The following RHBDD3 variants were observed in gnomAD, a reference collection of about 807,000 sequenced individuals.
The protein encoded by RHBDD3 is rhomboid domain containing 3.
A neutral mutation model predicts 32.3 loss-of-function variants in RHBDD3; 34 were observed. The observed-to-expected ratio is 1.05, with a 90% CI of 0.80 to 1.40. The LOEUF (loss-of-function observed/expected upper bound fraction) is 1.40, where lower values mean the gene tolerates loss of function less well. Among genes scored for constraint, RHBDD3 ranks in the 40% most tolerant of loss-of-function variants. RHBDD3 has a pLI of 0.00. For missense variants in RHBDD3, 482 were observed against 492.6 expected, an observed-to-expected ratio of 0.98 and a Z score of 0.20; for synonymous variants, 249 against 239.1, an observed-to-expected ratio of 1.04 and a Z score of -0.38.
chr22:29,260,945 T>A, intron 4 of RHBDD3, 81 bp from the exon 5 acceptor site: 10 of 1,352,166 alleles, frequency 7.4e-6, no homozygotes, highest in Non-Finnish European at 8.8e-6. Context: ...CCAGGCCCCA[T>A]GCCAAGTGTG....
At chr22:29,261,436 T>C (rs767552353) in intron 4 of RHBDD3, 1 of 432,838 alleles carries the variant, frequency 2.3e-6, no homozygotes, top group Admixed American at 2.5e-5. Flanking sequence ...CTACAAAAAA[T>C]TTTTAAAATT....
chr22:29,261,912 C>CA (rs2058124671), intron 4 of RHBDD3: 1 of 152,748 alleles, frequency 6.5e-6, no homozygotes, highest in South Asian at 2.1e-4. Context: ...CTCAGCCTCC[C>CA]AAAGTGCTAG....
intron 4 of RHBDD3, 26 bp downstream of exon 4, chr22:29,263,809 G>A (rs972610734): frequency 3.1e-5 from 46 of 1,489,054 alleles, no homozygotes; most frequent in African/African-American, 7.0e-5. Context: ...ACATCCCCAC[G>A]GGCCCTGGGC....
rs2058147293 is a variant in RHBDD3 at position 29,263,895 on chromosome 22, G to A, written c.472C>T (p.Leu158=). ...SPWLLLALTP[L]LSSEPPFLQL... The stretch of plus-strand genomic sequence containing the variant: ...AGGAAGGGTGGCTCAGAGCTGAGCA[G>A]TGGGGTCAGGGCAAGCAGCAGCCAC... The change falls in exon 4 of 7, where the codon CTG becomes TTG. Residue 158 remains leucine, a synonymous_variant. Coordinates refer to ENST00000216085, the MANE Select transcript of RHBDD3 (RefSeq NM_012265.3). 1.3e-6 allele frequency: 2 copies of A among 1,548,994 alleles called. No individual in the cohort carries two copies. Among genetic ancestry groups the A allele is most frequent in the African/African-American group, 1.4e-5 (1 of 73,118 alleles).
At chr22:29,261,209 C>A in intron 4 of RHBDD3, 1 of 534,810 alleles carries the variant, frequency 1.9e-6, no homozygotes. Context: ...CCTGCTATTG[C>A]CTTCAGACAG....
In RHBDD3 at chr22:29,264,028, G is replaced by A. The variant is rs2058149569; in HGVS notation, c.339C>T (p.Ser113=). 3 of 1,559,984 alleles carry A rather than the reference G, an allele frequency of 1.9e-6. No homozygotes were observed. Among genetic ancestry groups the A allele is most frequent in the Non-Finnish European group, 2.6e-6 (3 of 1,152,488 alleles). The change falls in exon 4 of 7, where the codon TCC becomes TCT. Residue 113 remains serine (S), a synonymous_variant. Coordinates refer to ENST00000216085, the MANE Select transcript of RHBDD3 (RefSeq NM_012265.3). ...TGTATCCACAGCTGCCGGCTGCACT[G>A]GACAGCCCAAGGCCTGCCAGCAGCA... ...LAVLLAGLGL[S]SAAGSCGYMP...
chr22:29,264,224 A>G lies in RHBDD3; in HGVS notation c.149-6T>C. 1 of 1,523,388 alleles carries G rather than the reference A, an allele frequency of 6.6e-7. No individual in the cohort carries two copies. The highest frequency in any genetic ancestry group is 1.4e-5 in the African/African-American group (1 of 72,578). The allele number at this position is 1,523,388 out of a possible 1,614,324, so 94.4% of individuals were successfully genotyped here. A position where few individuals can be genotyped will look rare whatever the true frequency, so the allele number is the denominator to read the frequency against. Reference sequence around the variant, plus strand: ...ATGGGTCAGCAGCCGGTGCACTGGGAGAGAGAAGGGGCTTATGTGCCAGGT... The same window carrying G: ...ATGGGTCAGCAGCCGGTGCACTGGGGGAGAGAAGGGGCTTATGTGCCAGGT... On this transcript the variant is annotated splice_region_variant and splice_polypyrimidine_tract_variant and intron_variant, in intron 3 of 6. Transcript: ENST00000216085.
At chr22:29,265,392 G>A (rs892000888) in intron 3 of RHBDD3, 87 bp downstream of exon 3, 3 of 1,137,842 alleles carry the variant, frequency 2.6e-6, no homozygotes, top group Non-Finnish European at 3.6e-6. Flanking sequence ...TTTGACCCCT[G>A]GAGGCCTTGT....
In RHBDD3 at chr22:29,265,587, G is replaced by A. The variant is rs780256884; in HGVS notation, c.40C>T (p.Leu14=). 3 of 1,593,748 alleles carry A rather than the reference G, an allele frequency of 1.9e-6. No homozygotes were observed. Among genetic ancestry groups the A allele is most frequent in the Admixed American group, 1.8e-5 (1 of 56,410 alleles). Residue 14 remains leucine (L), a synonymous_variant, in exon 3 of 7, where the codon CTG becomes TTG. Coordinates refer to ENST00000216085, the MANE Select transcript of RHBDD3 (RefSeq NM_012265.3). ...ATCAGGACTGAGGAGGCCAGAGGCA[G>A]TGCTGGGGACAGTTGGCCATGGGGG... ...RGPHGQLSPA[L]PLASSVLMLL...
At chr22:29,261,494 T>C (rs1018998018) in intron 4 of RHBDD3, 3 of 374,782 alleles carry the variant, frequency 8.0e-6, no homozygotes, top group Non-Finnish European at 1.6e-5. Flanking sequence ...CTCAAGTGGC[T>C]GAGGCAAGAG....
At position 29,260,546 on chromosome 22, in the gene RHBDD3, G is replaced by C. The variant is rs563831682; in HGVS notation, c.763C>G (p.Leu255Val). The C allele has an allele frequency of 1.3e-6, 2 of 1,598,676 alleles. No individual in the cohort carries two copies. Among genetic ancestry groups the C allele is most frequent in the African/African-American group, 2.7e-5 (2 of 75,008 alleles). ...DLWSHWEDSALPPPSLRPVQP... is the reference protein window; with the variant it reads ...DLWSHWEDSAVPPPSLRPVQP... The stretch of plus-strand genomic sequence containing the variant: ...ACAGGCCTCAGGCTTGGTGGGGGCA[G>C]GGCTGAGTCTTCCCAGTGGGACCAG... Residue 255 changes from leucine (L) to valine (V), a missense_variant, in exon 6 of 7, where the codon CTG (leucine) becomes GTG (valine). Transcript: ENST00000216085.
chr22:29,264,088 T>C lies in RHBDD3; in HGVS notation c.279A>G (p.Ser93=). 3 of 1,585,812 alleles carry C rather than the reference T, an allele frequency of 1.9e-6. No individual in the cohort carries two copies. Among genetic ancestry groups the C allele is most frequent in the Non-Finnish European group, 2.6e-6 (3 of 1,167,426 alleles). ...GCCCAGAAGCCAGGGCGAGCAGGGC[T>C]GAGGCATGCAGGAATCTCAGCGTGC... is the stretch of plus-strand genomic sequence containing the variant. ...HLGTLRFLHA[S]ALLALASGLL... The change falls in exon 4 of 7, where the codon TCA becomes TCG. Residue 93 remains serine, a synonymous_variant. Transcript: ENST00000216085.
chr22:29,265,240 A>G (rs2058162965), intron 3 of RHBDD3: 1 of 391,832 alleles, frequency 2.6e-6, no homozygotes, highest in Non-Finnish European at 4.5e-6. Flanking sequence ...GCTGCTAGAA[A>G]GGGAAACCAT....
Position 29,259,914 on chromosome 22 carries a change from A to C in RHBDD3, c.*146T>G. On this transcript the variant is annotated 3_prime_UTR_variant, in exon 7 of 7. Coordinates refer to ENST00000216085, the MANE Select transcript of RHBDD3 (RefSeq NM_012265.3). The stretch of plus-strand genomic sequence containing the variant: ...TTTTATTCTAAACACGTACTAGGGC[A>C]GCATGCTGGGGGGCCTCTCCTGCCT... 1.4e-6 allele frequency: 1 copy of C among 736,910 alleles called. No individual in the cohort carries two copies. The highest frequency in any genetic ancestry group is 2.2e-6 in the Non-Finnish European group (1 of 461,540). 45.6% of individuals were successfully genotyped at this position (736,910 alleles called of 1,614,324 possible). A position where few individuals can be genotyped will look rare whatever the true frequency, so the allele number is the denominator to read the frequency against.
rs774548047 is a variant in RHBDD3 at position 29,265,527 on chromosome 22, C to T, written c.100G>A (p.Gly34Ser). 3.2e-5 allele frequency: 51 copies of T among 1,578,770 alleles called. No homozygotes were observed. Among genetic ancestry groups the T allele is most frequent in the Non-Finnish European group, 4.1e-5 (48 of 1,167,196 alleles). The change falls in exon 3 of 7, where the codon GGC becomes AGC. Residue 34 changes from glycine to serine, a missense_variant. Physicochemically the swap from Gly to Ser is moderately conservative, Grantham distance 56 (BLOSUM62 0). Transcript: ENST00000216085. ...LMSTLWLVGAGPGLVLAPELL... is the reference protein window; with the variant it reads ...LMSTLWLVGASPGLVLAPELL... The stretch of plus-strand genomic sequence containing the variant: ...TCCGGGGCCAGGACCAGGCCGGGGC[C>T]GGCCCCCACCAGCCACAGGGTGCTC...
chr22:29,260,368 T>A lies in RHBDD3; in HGVS notation c.941A>T (p.Gln314Leu), dbSNP rs746521945. The A allele has an allele frequency of 1.9e-6, 3 of 1,612,276 alleles. No individual in the cohort carries two copies. In the Admixed American group the frequency reaches 5.0e-5, roughly 27 times the overall value. Residue 314 changes from glutamine (Q) to leucine (L), a missense_variant, in exon 6 of 7, where the codon CAG becomes CTG. Gln to Leu is a moderately radical substitution (Grantham distance 113). Transcript: ENST00000216085. ...GGACTTGGACAGCCATGGTGCGCTC[T>A]GGGGTTCCTGGGCTGGCCCGTCAAG... Reference protein sequence around the residue: ...SLLDGPAQEPQSAPWLSKSSV... With the variant: ...SLLDGPAQEPLSAPWLSKSSV...
Position 29,260,236 on chromosome 22 carries a change from G to A in RHBDD3, c.985C>T (p.Leu329=). The A allele has an allele frequency of 6.2e-7, 1 of 1,601,466 alleles. No homozygotes were observed. The highest frequency in any genetic ancestry group is 1.3e-5 in the African/African-American group (1 of 74,970). Residue 329 remains leucine, a splice_region_variant and synonymous_variant, in exon 7 of 7, where the codon CTG becomes TTG. Transcript: ENST00000216085. The part of the protein sequence containing the change: ...LSKSSVSSLR[L]QQLERMGFPT... ...AAGCCCATGCGCTCCAGCTGCTGCAGCCTGTTGGGGGTGGGGGGAGAAGTG... is the reference window on the plus strand; with the variant it reads ...AAGCCCATGCGCTCCAGCTGCTGCAACCTGTTGGGGGTGGGGGGAGAAGTG...
chr22:29,260,263 G>A (rs1254307017), intron 6 of RHBDD3, 26 bp from the exon 7 acceptor site: 1 of 1,603,618 alleles, frequency 6.2e-7, no homozygotes, highest in Non-Finnish European at 8.5e-7. Context: ...GGAGAAGTGG[G>A]GAGTGTCAGG....
intron 5 of RHBDD3, 32 bp downstream of exon 5, chr22:29,260,670 A>C: frequency 6.4e-7 from 1 of 1,552,618 alleles, no homozygotes; most frequent in Non-Finnish European, 8.7e-7. Flanking sequence ...AGTGCCCACC[A>C]CCTGGACTGG....
Sources: allele counts gnomAD v4.1 joint callset, GRCh38; gene constraint gnomAD v4.1.1; transcripts MANE v1.5; gene names NCBI Gene and HGNC (gene_info 2026-07-23, HGNC 2026-07-21).